Variants in PTPRG observed in about 807,000 individuals in gnomAD.
PTPRG encodes receptor-type tyrosine-protein phosphatase gamma.
In PTPRG, 102 loss-of-function variants were observed where a neutral mutation model predicts 165.3. That is an observed-to-expected ratio of 0.62 (90% CI 0.53 to 0.73). PTPRG has a LOEUF of 0.73. Ranked by LOEUF, PTPRG falls within the 30% of genes least tolerant of loss-of-function variation. The pLI, the probability that PTPRG is intolerant of heterozygous loss-of-function variation, is 0.00. For missense variants in PTPRG, 1,866 were observed against 1,861.4 expected (o/e 1.00, Z -0.05); for synonymous variants, 675 against 669.5 (o/e 1.01, Z -0.13).
intron 2 of PTPRG, among the ~76,000 whole-genome samples, chr3:61,772,106 T>A (rs1477779999): frequency 6.7e-6 from 1 of 148,238 alleles, no homozygotes; most frequent in African/African-American, 2.5e-5. Flanking sequence ...ATTGTGATGA[T>A]CTCTGAATCA....
intron 1 of PTPRG, among the ~76,000 whole-genome samples, chr3:61,740,738 T>C (rs1455239110): frequency 6.6e-6 from 1 of 152,222 alleles, no homozygotes; most frequent in African/African-American, 2.4e-5. Flanking sequence ...TTCAGTACTT[T>C]ATTTTACTTA....
rs369505317 is a variant in PTPRG at position 61,676,471 on chromosome 3, A to AAAAAAAAAAAAAAAAAAAAAAAAAAG, written c.86-72404_86-72403insAAAAAAAAAAAAAAAAAAAAAAGAAA. Among the ~76,000 whole-genome samples, 417 of 98,910 alleles carry AAAAAAAAAAAAAAAAAAAAAAAAAAG rather than the reference A, an allele frequency of 4.2e-3. 51 individuals carry two copies. The highest frequency in any genetic ancestry group is 7.6e-3 in the Non-Finnish European group (328 of 43,194). The allele number at this position is 98,910 out of a possible 152,430, so 64.9% of individuals were successfully genotyped here. A position where few individuals can be genotyped will look rare whatever the true frequency, so the allele number is the denominator to read the frequency against. ...GACTCCATCTCAAAAAAAAAAAAAA[A>AAAAAAAAAAAAAAAAAAAAAAAAAAG]AAAGAAAATTACTAAAGTCTGTGAA... is the stretch of plus-strand genomic sequence containing the variant. On this transcript the variant is annotated intron_variant, in intron 1 of 29. Coordinates refer to ENST00000474889, the MANE Select transcript of PTPRG (RefSeq NM_002841.4).
intron 5 of PTPRG, chr3:62,124,079 T>C (rs1212978867): frequency 7.7e-6 from 4 of 519,504 alleles, no homozygotes; most frequent in Non-Finnish European, 6.8e-6. Flanking sequence ...TTTTTTTCTT[T>C]TTAAAAAGGT....
chr3:61,848,341 T>C (rs752213700), intron 2 of PTPRG, among the ~76,000 whole-genome samples: 9 of 152,242 alleles, frequency 5.9e-5, no homozygotes, highest in Non-Finnish European at 1.2e-4. Flanking sequence ...AGGCTCTGTA[T>C]GATCTTTGGT....
chr3:61,744,499 A>T (rs1425603839), intron 1 of PTPRG, among the ~76,000 whole-genome samples: 1 of 152,204 alleles, frequency 6.6e-6, no homozygotes, highest in Non-Finnish European at 1.5e-5. Context: ...CACAGTGGTA[A>T]GTATCTGTGT....
At chr3:61,675,775 G>A (rs1311705017) in intron 1 of PTPRG, among the ~76,000 whole-genome samples, 1 of 151,620 alleles carries the variant, frequency 6.6e-6, no homozygotes, top group Non-Finnish European at 1.5e-5. Flanking sequence ...AGTAATGAGG[G>A]TTTATTATAC....
intron 3 of PTPRG, 25 bp downstream of exon 3, chr3:61,989,829 C>A (rs2040842819): frequency 6.2e-7 from 1 of 1,611,112 alleles, no homozygotes; most frequent in Non-Finnish European, 8.5e-7. Context: ...CTTTATTTGT[C>A]CACAGAGCAA....
chr3:61,912,784 C>A (rs2038836113), intron 2 of PTPRG, among the ~76,000 whole-genome samples: 1 of 152,180 alleles, frequency 6.6e-6, no homozygotes, highest in South Asian at 2.1e-4. Flanking sequence ...AGCCTGGAAT[C>A]ATTTTAAGAG....
At chr3:62,033,268 T>C (rs972261367) in intron 4 of PTPRG, among the ~76,000 whole-genome samples, 5 of 152,116 alleles carry the variant, frequency 3.3e-5, no homozygotes, top group Admixed American at 1.3e-4. Flanking sequence ...TTATTAAAGC[T>C]TCAGTTCAAA....
intron 2 of PTPRG, among the ~76,000 whole-genome samples, chr3:61,757,672 C>T (rs1036445459): frequency 1.3e-5 from 2 of 152,190 alleles, no homozygotes; most frequent in African/African-American, 4.8e-5. Flanking sequence ...TTTACTTTGA[C>T]ATAGCATAAA....
At chr3:61,931,528 C>T (rs1279916373) in intron 2 of PTPRG, among the ~76,000 whole-genome samples, 4 of 152,148 alleles carry the variant, frequency 2.6e-5, no homozygotes, top group African/African-American at 7.2e-5. Context: ...GATCTGCTGG[C>T]GAGGGACTGT....
In PTPRG at chr3:61,748,952, G is replaced by T. The variant is rs1341446197; in HGVS notation, c.160G>T (p.Ala54Ser). The change falls in exon 2 of 30, where the codon GCT becomes TCT. Residue 54 changes from alanine to serine, a missense_variant. Physicochemically the swap from Ala to Ser is moderately conservative, Grantham distance 99. Around this residue, in one of 3 missense-constraint regions of PTPRG, gnomAD observed 408 missense variants for 376.2 expected, o/e 1.08. Coordinates refer to ENST00000474889, the MANE Select transcript of PTPRG (RefSeq NM_002841.4). ...GSAVQIRRRK[A>S]SGDPYWAYSG... Reference sequence around the variant, plus strand: ...CGCAGTGCAGATCCGCAGGCGCAAGGCTTCAGGCGACCCGTACTGGGCCTA... The same window carrying T: ...CGCAGTGCAGATCCGCAGGCGCAAGTCTTCAGGCGACCCGTACTGGGCCTA... The T allele has an allele frequency of 3.1e-6, 5 of 1,611,906 alleles. No homozygotes were observed. Among genetic ancestry groups the T allele is most frequent in the South Asian group, 2.2e-5 (2 of 90,714 alleles).
At chr3:61,893,507 G>A (rs1331816012) in intron 2 of PTPRG, among the ~76,000 whole-genome samples, 1 of 152,200 alleles carries the variant, frequency 6.6e-6, no homozygotes, top group Non-Finnish European at 1.5e-5. Context: ...TCTACCGTTA[G>A]CTTTGGTAGT....
intron 1 of PTPRG, among the ~76,000 whole-genome samples, chr3:61,568,468 A>G (rs927889450): frequency 2.0e-5 from 3 of 152,188 alleles, no homozygotes. Flanking sequence ...TGGGACAACT[A>G]TAATTGGAGG....
chr3:61,791,556 C>G (rs541332646), intron 2 of PTPRG, among the ~76,000 whole-genome samples: 4 of 152,160 alleles, frequency 2.6e-5, no homozygotes, highest in African/African-American at 9.7e-5. Flanking sequence ...GGTGCTATCT[C>G]GGGTAACTGC....
At chr3:62,193,117 C>T (rs746236818) in intron 9 of PTPRG, among the ~76,000 whole-genome samples, 36 of 152,318 alleles carry the variant, frequency 2.4e-4, no homozygotes, top group Non-Finnish European at 5.0e-4. Flanking sequence ...CTTGTCACAA[C>T]TGGAAGTCCA....
intron 4 of PTPRG, among the ~76,000 whole-genome samples, chr3:62,008,630 C>T (rs2041349105): frequency 6.6e-6 from 1 of 152,212 alleles, no homozygotes; most frequent in Non-Finnish European, 1.5e-5. Flanking sequence ...CAGCGGTCCC[C>T]AACCTTTTCG....
At chr3:62,054,721 T>C (rs897839307) in intron 4 of PTPRG, among the ~76,000 whole-genome samples, 2 of 152,224 alleles carry the variant, frequency 1.3e-5, no homozygotes, top group South Asian at 2.1e-4. Context: ...TGTACCTTTT[T>C]TGAGTTATAT....
chr3:62,124,303 C>A, intron 5 of PTPRG: 1 of 1,599,208 alleles, frequency 6.3e-7, no homozygotes, highest in Non-Finnish European at 8.6e-7. Context: ...GGGTGGTCAG[C>A]GGCATCCTGG....
Sources: allele counts gnomAD v4.1 joint callset (sites outside exome capture counted in the v4.1 genomes callset), GRCh38; gene constraint gnomAD v4.1.1; regional missense constraint gnomAD v4.1.1; transcripts MANE v1.5; gene names NCBI Gene and HGNC (gene_info 2026-07-23, HGNC 2026-07-21).